PALLD: variants seen among roughly 807,000 people sequenced by gnomAD.
The protein encoded by PALLD is palladin, cytoskeletal associated protein, also known as palladin.
PALLD carries 61 observed loss-of-function variants against 123.5 expected under a neutral mutation model. The observed-to-expected ratio is 0.49, with a 90% confidence interval of 0.40 to 0.61. The LOEUF (loss-of-function observed/expected upper bound fraction) is 0.61. Ranked by LOEUF, PALLD falls within the 20% of genes least tolerant of loss-of-function variation. The pLI is 0.00. For synonymous variants in PALLD, 465 were observed against 496.4 expected, an observed-to-expected ratio of 0.94 and a Z score of 0.84; for missense variants, 1,273 against 1,377.0, an observed-to-expected ratio of 0.92 and a Z score of 1.20.
In PALLD at chr4:168,903,865, G is replaced by C. The variant is rs587780199; in HGVS notation, c.2581G>C (p.Asp861His). Residue 861 changes from aspartate to histidine, a missense_variant, in exon 15 of 22, where the codon GAT becomes CAT. This residue lies in a region of PALLD where 329 missense variants were observed against 422.5 expected (regional missense o/e 0.78). Transcript: ENST00000505667. ...CCTCCATACCACAGCCTCCACCCTA[G>C]ATGATGATGGGAATTATACAATTAT... Reference protein sequence around the residue: ...CSLHTTASTLDDDGNYTIMAA... With the variant: ...CSLHTTASTLHDDGNYTIMAA... 6.2e-7 allele frequency: 1 copy of C among 1,613,820 alleles called. No individual in the cohort carries two copies. The highest frequency in any genetic ancestry group is 1.3e-5 in the African/African-American group (1 of 74,912).
chr4:168,598,259 G>T, intron 2 of PALLD: 1 of 412,528 alleles, frequency 2.4e-6, no homozygotes. Context: ...TTCATTCTTT[G>T]ATGCCTCACC....
At chr4:168,766,235 A>G (rs1357230802) in intron 10 of PALLD, among the ~76,000 whole-genome samples, 1 of 152,238 alleles carries the variant, frequency 6.6e-6, no homozygotes, top group Admixed American at 6.5e-5. Flanking sequence ...CCTTTTTTGT[A>G]TGCCTAGTTT....
At chr4:168,599,994 TAC>T (rs966615102) in intron 2 of PALLD, among the ~76,000 whole-genome samples, 24 of 147,558 alleles carry the variant, frequency 1.6e-4, no homozygotes, top group Admixed American at 1.4e-3. Flanking sequence ...TACATGTGTA[TAC>T]ACACACGTAT....
chr4:168,838,147 T>C (rs1454005211), intron 10 of PALLD, among the ~76,000 whole-genome samples: 1 of 152,214 alleles, frequency 6.6e-6, no homozygotes, highest in Non-Finnish European at 1.5e-5. Flanking sequence ...CTGCTTCTAC[T>C]GCAGCAAGTG....
chr4:168,544,459 T>C (rs1158883011), intron 2 of PALLD, among the ~76,000 whole-genome samples: 3 of 152,256 alleles, frequency 2.0e-5, no homozygotes, highest in Non-Finnish European at 4.4e-5. Flanking sequence ...TATCCATTAA[T>C]GGAAAACTTC....
intron 10 of PALLD, among the ~76,000 whole-genome samples, chr4:168,722,089 G>C (rs563833227): frequency 1.3e-5 from 2 of 152,166 alleles, no homozygotes; most frequent in African/African-American, 4.8e-5. Flanking sequence ...CTGCCACCCA[G>C]GCTGGAGTGC....
At chr4:168,688,112 G>A (rs1317153646) in intron 6 of PALLD, among the ~76,000 whole-genome samples, 1 of 152,140 alleles carries the variant, frequency 6.6e-6, no homozygotes, top group Admixed American at 6.5e-5. Context: ...TCTTAGGCCT[G>A]GTCTCTGGTT....
intron 10 of PALLD, among the ~76,000 whole-genome samples, chr4:168,715,408 A>G (rs1785252710): frequency 6.6e-6 from 1 of 152,200 alleles, no homozygotes; most frequent in Admixed American, 6.5e-5. Flanking sequence ...AGAAAAAATT[A>G]ATAGCATTAT....
intron 10 of PALLD, among the ~76,000 whole-genome samples, chr4:168,802,371 C>T (rs950987129): frequency 6.6e-6 from 1 of 152,120 alleles, no homozygotes; most frequent in Non-Finnish European, 1.5e-5. Flanking sequence ...AATGTGGTAC[C>T]TATACACCAT....
intron 10 of PALLD, among the ~76,000 whole-genome samples, chr4:168,835,689 A>C (rs554345592): frequency 2.1e-5 from 3 of 141,248 alleles, no homozygotes; most frequent in African/African-American, 7.6e-5. Flanking sequence ...TCATCCAAAG[A>C]GTTTTTTGTT....
chr4:168,620,470 T>A (rs1055097568), intron 2 of PALLD, among the ~76,000 whole-genome samples: 39 of 151,914 alleles, frequency 2.6e-4, no homozygotes, highest in African/African-American at 8.7e-4. Context: ...ACAAAAAAAA[T>A]TACCCTTCAT....
chr4:168,875,175 T>G (rs1751580925), intron 10 of PALLD, among the ~76,000 whole-genome samples: 1 of 149,848 alleles, frequency 6.7e-6, no homozygotes, highest in African/African-American at 2.5e-5. Flanking sequence ...AAAAGTTCAG[T>G]TTCATGTTTT....
intron 2 of PALLD, among the ~76,000 whole-genome samples, chr4:168,532,096 C>A (rs952140959): frequency 6.6e-6 from 1 of 152,152 alleles, no homozygotes; most frequent in African/African-American, 2.4e-5. Flanking sequence ...CCATCCTTCA[C>A]CCTCTGGCAG....
intron 10 of PALLD, chr4:168,878,475 C>G: frequency 9.3e-7 from 1 of 1,076,986 alleles, no homozygotes; most frequent in Non-Finnish European, 1.3e-6. Context: ...CATACACGCG[C>G]TCCCATCAGC....
chr4:168,562,615 A>C (rs1767976295), intron 2 of PALLD, among the ~76,000 whole-genome samples: 1 of 152,196 alleles, frequency 6.6e-6, no homozygotes, highest in Admixed American at 6.5e-5. Flanking sequence ...TGAGAAAGAA[A>C]TAGTTCAGCT....
chr4:168,665,878 T>C (rs1032130921), intron 2 of PALLD, among the ~76,000 whole-genome samples: 2 of 152,020 alleles, frequency 1.3e-5, no homozygotes, highest in Non-Finnish European at 1.5e-5. Flanking sequence ...TTGAGGGCCA[T>C]ATAATATGTT....
intron 10 of PALLD, among the ~76,000 whole-genome samples, chr4:168,880,394 T>C (rs1184947254): frequency 3.3e-5 from 5 of 152,224 alleles, no homozygotes. Context: ...AAAGTGGCAA[T>C]ACCAGACTAC....
intron 10 of PALLD, among the ~76,000 whole-genome samples, chr4:168,854,649 G>A (rs1748313089): frequency 6.6e-6 from 1 of 152,118 alleles, no homozygotes; most frequent in South Asian, 2.1e-4. Context: ...GTAGGAAATG[G>A]CCCATATCTG....
intron 10 of PALLD, among the ~76,000 whole-genome samples, chr4:168,770,732 C>T (rs572746414): frequency 4.0e-4 from 49 of 123,872 alleles, no homozygotes; most frequent in African/African-American, 1.2e-3. Flanking sequence ...GCCAGAGCTT[C>T]ACAAGCCAAT....
Sources: gnomAD v4.1 joint callset for allele counts (sites outside exome capture counted in the v4.1 genomes callset) on GRCh38, gnomAD v4.1.1 for gene constraint, gnomAD v4.1.1 regional missense constraint, MANE v1.5 for transcripts, NCBI Gene and HGNC (gene_info 2026-07-23, HGNC 2026-07-21) for gene names.